INTU: variants seen among roughly 807,000 people sequenced by gnomAD.
INTU encodes inturned planar cell polarity protein.
Under a neutral mutation model 100.5 loss-of-function variants are expected in INTU, and 68 were observed. The observed-to-expected ratio is 0.68, with a 90% confidence interval of 0.56 to 0.83. The LOEUF is 0.83. INTU is among the 40% of genes least tolerant of loss of function. The pLI is 0.00. For missense variants in INTU, 1,071 were observed against 1,114.7 expected (o/e 0.96, Z 0.56); for synonymous variants, 357 against 395.7 (o/e 0.90, Z 1.16).
At chr4:127,657,855 A>G (rs796617839) in intron 3 of INTU, among the ~76,000 whole-genome samples, 1 of 152,080 alleles carries the variant, frequency 6.6e-6, no homozygotes, top group South Asian at 2.1e-4. Context: ...TATTATAATA[A>G]TAATAGAAAT....
At chr4:127,689,700 G>A (rs1359846810) in intron 8 of INTU, among the ~76,000 whole-genome samples, 2 of 151,328 alleles carry the variant, frequency 1.3e-5, no homozygotes, top group African/African-American at 4.9e-5. Context: ...AGAGGGAAAA[G>A]GGAAGAGAAA....
At chr4:127,651,358 G>C (rs1196197172) in intron 2 of INTU, among the ~76,000 whole-genome samples, 3 of 151,954 alleles carry the variant, frequency 2.0e-5, no homozygotes, top group Admixed American at 1.3e-4. Context: ...TTAGGTCTAA[G>C]GTTTAAGGCT....
chr4:127,699,949 C>CTAAAAAAGTAACTAATATGA, intron 8 of INTU, 61 bp from the exon 9 acceptor site: 2 of 1,300,838 alleles, frequency 1.5e-6, no homozygotes, highest in Non-Finnish European at 2.1e-6. Context: ...ATGGCCATTA[C>CTAAAAAAGTAACTAATATGA]TAAAAAAGTA....
chr4:127,684,388 C>T lies in INTU; in HGVS notation c.1182-21C>T, dbSNP rs374829667. On this transcript the variant is annotated intron_variant, in intron 6 of 15. Coordinates refer to ENST00000335251, the MANE Select transcript of INTU (RefSeq NM_015693.4). ...CATTTGATTATGTTGTAAATTAATACGTGTAATTTTGCTTTTTTAGAGTTC... is the reference window on the plus strand; with the variant it reads ...CATTTGATTATGTTGTAAATTAATATGTGTAATTTTGCTTTTTTAGAGTTC... 56 of 1,279,648 alleles carry T rather than the reference C, an allele frequency of 4.4e-5. No homozygotes were observed. In the South Asian group the frequency reaches 5.8e-4, roughly 13 times the overall value. 79.3% of individuals were successfully genotyped at this position (1,279,648 alleles called of 1,614,324 possible). A position where few individuals can be genotyped will look rare whatever the true frequency, so the allele number is the denominator to read the frequency against.
At chr4:127,655,494 A>G (rs1220142019) in intron 2 of INTU, among the ~76,000 whole-genome samples, 6 of 151,080 alleles carry the variant, frequency 4.0e-5, no homozygotes, top group South Asian at 4.2e-4. Context: ...GTGAGGTGTC[A>G]GTGTTCCCCT....
At chr4:127,664,281 A>G (rs1728600823) in intron 4 of INTU, among the ~76,000 whole-genome samples, 1 of 152,088 alleles carries the variant, frequency 6.6e-6, no homozygotes, top group South Asian at 2.1e-4. Flanking sequence ...GTTTAAGTTC[A>G]CATAGCTAGT....
intron 7 of INTU, among the ~76,000 whole-genome samples, 161 bp downstream of exon 7, chr4:127,684,647 C>A (rs557700645): frequency 6.6e-6 from 1 of 151,732 alleles, no homozygotes; most frequent in East Asian, 1.9e-4. Context: ...CCTCCTCCTT[C>A]TTCCTTCTCC....
chr4:127,714,301 G>A (rs1002883265), intron 15 of INTU, among the ~76,000 whole-genome samples: 3 of 150,698 alleles, frequency 2.0e-5, no homozygotes, highest in African/African-American at 7.5e-5. Context: ...TTAAATTTCA[G>A]TAATACACTG....
Position 127,706,074 on chromosome 4 carries a change from G to A in INTU, c.1788+262G>A, listed in dbSNP as rs150966548. Among the ~76,000 whole-genome samples, 410 of 152,218 alleles carry A rather than the reference G, an allele frequency of 2.7e-3. 2 individuals carry two copies. Among genetic ancestry groups the A allele is most frequent in the African/African-American group, 9.0e-3 (373 of 41,540 alleles). On this transcript the variant is annotated intron_variant, in intron 11 of 15. Transcript: ENST00000335251. ...AAAGTCTAAGAAAATATTTTAGCAG[G>A]TTTTTAAAGTCTTTTGTTCCCCTTT...
In INTU at chr4:127,720,443, G is replaced by T. The variant is rs1413802129; in HGVS notation, c.*4007G>T. On this transcript the variant is annotated 3_prime_UTR_variant, in exon 16 of 16. Transcript: ENST00000335251. The stretch of plus-strand genomic sequence containing the variant: ...AGTAAGTACCATGTGGCACTGAGAA[G>T]AATATATATTCTGTTGTTTGGGGGT... The T allele has an allele frequency of 1.3e-5, 2 of 152,168 alleles. No individual in the cohort carries two copies. The highest frequency in any genetic ancestry group is 2.9e-5 in the Non-Finnish European group (2 of 68,010). 9.4% of individuals were successfully genotyped at this position (152,168 alleles called of 1,614,324 possible).
chr4:127,648,457 TCTC>T (rs774617213), intron 2 of INTU, among the ~76,000 whole-genome samples: 2 of 152,200 alleles, frequency 1.3e-5, no homozygotes, highest in Non-Finnish European at 2.9e-5. Context: ...TGATGAACCA[TCTC>T]CTCTTTTTAG....
At position 127,718,303 on chromosome 4, in the gene INTU, T is replaced by A. The variant is rs1229683890; in HGVS notation, c.*1867T>A. ...AGATCAGATGGTTGTAGATGTGCAA[T>A]CTTATTTCTGAGTTCTCTATTCTAT... On this transcript the variant is annotated 3_prime_UTR_variant, in exon 16 of 16. Transcript: ENST00000335251. 6.6e-6 allele frequency: 1 copy of A among 152,054 alleles called. No individual in the cohort carries two copies. Among genetic ancestry groups the A allele is most frequent in the South Asian group, 2.1e-4 (1 of 4,818 alleles). 9.4% of individuals were successfully genotyped at this position (152,054 alleles called of 1,614,324 possible). A position where few individuals can be genotyped will look rare whatever the true frequency, so the allele number is the denominator to read the frequency against.
rs764047083 is a variant in INTU at position 127,656,612 on chromosome 4, CT to C, written c.683-20del. ...GGTTTTTAGATATTCATAAAACTAT[CT>C]TTTATTGTTATTCTGGTTTCAGGTG... On this transcript the variant is annotated intron_variant, in intron 2 of 15. Coordinates refer to ENST00000335251, the MANE Select transcript of INTU (RefSeq NM_015693.4). The C allele has an allele frequency of 1.4e-5, 21 of 1,535,054 alleles. No homozygotes were observed. In the African/African-American group the frequency reaches 2.7e-4, roughly 20 times the overall value.
At chr4:127,666,177 A>G (rs745334848) in intron 4 of INTU, among the ~76,000 whole-genome samples, 10 of 152,124 alleles carry the variant, frequency 6.6e-5, no homozygotes, top group African/African-American at 1.9e-4. Flanking sequence ...TGCTTAATCA[A>G]CATTTCAAAT....
chr4:127,649,093 G>C (rs1441899738), intron 2 of INTU, among the ~76,000 whole-genome samples: 1 of 152,138 alleles, frequency 6.6e-6, no homozygotes, highest in Non-Finnish European at 1.5e-5. Context: ...GGAAAAAAAG[G>C]AGGAATAGCA....
At chr4:127,688,115 G>A (rs1015301658) in intron 8 of INTU, among the ~76,000 whole-genome samples, 17 of 151,742 alleles carry the variant, frequency 1.1e-4, no homozygotes, top group Middle Eastern at 3.4e-3. Context: ...CTACTTTTCA[G>A]AAATCGTAAT....
Position 127,721,577 on chromosome 4 carries a change from C to T in INTU, c.*5141C>T, listed in dbSNP as rs987408906. On this transcript the variant is annotated 3_prime_UTR_variant, in exon 16 of 16. Coordinates refer to ENST00000335251, the MANE Select transcript of INTU (RefSeq NM_015693.4). ...CAGAAGTGTGTTTTCCAACTTGGTT[C>T]CATTCTTCTGTCTCTTTCAGGTATA... 1.3e-5 allele frequency: 2 copies of T among 152,170 alleles called. No homozygotes were observed. Among genetic ancestry groups the T allele is most frequent in the African/African-American group, 4.8e-5 (2 of 41,440 alleles). 9.4% of individuals were successfully genotyped at this position (152,170 alleles called of 1,614,324 possible). A position where few individuals can be genotyped will look rare whatever the true frequency, so the allele number is the denominator to read the frequency against.
In INTU at chr4:127,725,618, G is replaced by C. The variant is rs1316614885; in HGVS notation, c.*9182G>C. The C allele has an allele frequency of 6.6e-6, 1 of 152,072 alleles. No individual in the cohort carries two copies. Among genetic ancestry groups the C allele is most frequent in the Non-Finnish European group, 1.5e-5 (1 of 68,010 alleles). The allele number at this position is 152,072 out of a possible 1,614,324, so 9.4% of individuals were successfully genotyped here. On this transcript the variant is annotated 3_prime_UTR_variant, in exon 16 of 16. Transcript: ENST00000335251. ...TCATTTAATGAAATTTTGATGTGTT[G>C]AACTGCTTTCCTGGTGTCAGAGAAA...
intron 2 of INTU, among the ~76,000 whole-genome samples, chr4:127,651,075 T>C (rs1484267699): frequency 6.6e-6 from 1 of 152,154 alleles, no homozygotes; most frequent in Non-Finnish European, 1.5e-5. Context: ...GTTTGTTTTT[T>C]TCTTGTAAAT....
Sources: allele counts gnomAD v4.1 joint callset (sites outside exome capture counted in the v4.1 genomes callset), GRCh38; gene constraint gnomAD v4.1.1; transcripts MANE v1.5; gene names NCBI Gene and HGNC (gene_info 2026-07-23, HGNC 2026-07-21).